The following ETS2 variants were observed in gnomAD, a reference collection of about 807,000 sequenced individuals.
The protein encoded by ETS2 is ETS proto-oncogene 2, transcription factor, also known as protein C-ets-2.
Under a neutral mutation model 54.9 loss-of-function variants are expected in ETS2, and 19 were observed. The observed-to-expected ratio is 0.35, with a 90% CI of 0.24 to 0.51. The LOEUF is 0.51. Ranked by LOEUF, ETS2 falls within the 20% of genes least tolerant of loss-of-function variation. The pLI, the probability that ETS2 is intolerant of heterozygous loss-of-function variation, is 0.97. For synonymous variants in ETS2, 219 were observed against 229.3 expected (o/e 0.95, Z 0.41); for missense variants, 417 against 593.0 (o/e 0.70, Z 3.08).
rs764270824 is a variant in ETS2 at position 38,814,812 on chromosome 21, C to T, written c.336C>T (p.Cys112=). 5 of 1,614,162 alleles carry T rather than the reference C, an allele frequency of 3.1e-6. No individual in the cohort carries two copies. In the Admixed American group the frequency reaches 8.3e-5, roughly 27 times the overall value. ...NPWLWSEQQV[C]QWLLWATNEF... is the part of the protein sequence containing the mutation. ...GGCTGTGGAGTGAGCAACAGGTATGCCAGTGGCTTCTCTGGGCCACCAATG... is the reference window on the plus strand; with the variant it reads ...GGCTGTGGAGTGAGCAACAGGTATGTCAGTGGCTTCTCTGGGCCACCAATG... The change falls in exon 5 of 10, where the codon TGC becomes TGT. Residue 112 remains cysteine, a synonymous_variant. Coordinates refer to ENST00000360938, the MANE Select transcript of ETS2 (RefSeq NM_005239.6). This position sits in a 1 kb window ranked among gnomAD's most constrained non-coding sequence, Gnocchi z 4.2.
In ETS2 at chr21:38,819,516, C is replaced by T. The variant is rs773859685; in HGVS notation, c.825C>T (p.Asp275=). 31 of 1,613,856 alleles carry T rather than the reference C, an allele frequency of 1.9e-5. No homozygotes were observed. Among genetic ancestry groups the T allele is most frequent in the Non-Finnish European group, 4.2e-6 (5 of 1,179,864 alleles). The change falls in exon 8 of 10, where the codon GAC becomes GAT. Residue 275 remains aspartate (D), a synonymous_variant. Transcript: ENST00000360938. Reference sequence around the variant, plus strand: ...TGTCTTTGCCAGGGACTCCCAAAGACCACGACTCCCCTGAGAACGGTGCGG... The same window carrying T: ...TGTCTTTGCCAGGGACTCCCAAAGATCACGACTCCCCTGAGAACGGTGCGG... ...LLTNNSGTPK[D]HDSPENGADS...
intron 7 of ETS2, 81 bp from the exon 8 acceptor site, chr21:38,819,416 CTGGTAG>C (rs1412217009): frequency 1.5e-5 from 19 of 1,239,176 alleles, no homozygotes; most frequent in Non-Finnish European, 2.2e-5. Context: ...CATGATTGCA[CTGGTAG>C]TGGTTGGTGA....
chr21:38,821,504 A>C lies in ETS2; in HGVS notation c.1076-82A>C. The C allele has an allele frequency of 1.0e-6, 1 of 986,768 alleles. No individual in the cohort carries two copies. The highest frequency in any genetic ancestry group is 1.6e-5 in the African/African-American group (1 of 63,252). The allele number at this position is 986,768 out of a possible 1,614,324, so 61.1% of individuals were successfully genotyped here. A position where few individuals can be genotyped will look rare whatever the true frequency, so the allele number is the denominator to read the frequency against. On this transcript the variant is annotated intron_variant, in intron 8 of 9. Transcript: ENST00000360938. The surrounding 1 kb of genome is among the most constrained non-coding windows in gnomAD (Gnocchi z 4.2). Reference sequence around the variant, plus strand: ...GTTGGGTCTGCATTCCTAAATCAGCATGTACAATTAGGATGGTTAAAGACT... The same window carrying C: ...GTTGGGTCTGCATTCCTAAATCAGCCTGTACAATTAGGATGGTTAAAGACT...
chr21:38,814,899 C>T lies in ETS2; in HGVS notation c.423C>T (p.Asn141=). The T allele has an allele frequency of 6.2e-7, 1 of 1,614,202 alleles. No homozygotes were observed. Among genetic ancestry groups the T allele is most frequent in the East Asian group, 2.2e-5 (1 of 44,872 alleles). ...GCATGAATGGCCAGATGCTGTGTAACCTTGGCAAGGAACGCTTTCTGGAGC... is the reference window on the plus strand; with the variant it reads ...GCATGAATGGCCAGATGCTGTGTAATCTTGGCAAGGAACGCTTTCTGGAGC... ...RFGMNGQMLC[N]LGKERFLELA... Residue 141 remains asparagine, a synonymous_variant, in exon 5 of 10, where the codon AAC becomes AAT. Coordinates refer to ENST00000360938, the MANE Select transcript of ETS2 (RefSeq NM_005239.6). This position sits in a 1 kb window ranked among gnomAD's most constrained non-coding sequence, Gnocchi z 4.2.
At chr21:38,818,715 C>T (rs2060945261) in intron 7 of ETS2, 69 bp downstream of exon 7, 2 of 1,544,450 alleles carry the variant, frequency 1.3e-6, no homozygotes, top group African/African-American at 2.7e-5. Flanking sequence ...CATAATGAAC[C>T]TCTTAATAAA....
upstream of ETS2, chr21:38,805,197 G>A: frequency 1.7e-6 from 1 of 578,602 alleles, no homozygotes; most frequent in Admixed American, 4.0e-5. This position sits in a 1 kb window ranked among gnomAD's most constrained non-coding sequence, Gnocchi z 5.2. Context: ...CTCCCGCGGA[G>A]CCTGCGGGAT....
chr21:38,805,922 A>G, upstream of ETS2: 2 of 1,240,630 alleles, frequency 1.6e-6, no homozygotes, highest in East Asian at 6.9e-5. This position sits in a 1 kb window ranked among gnomAD's most constrained non-coding sequence, Gnocchi z 5.2. Flanking sequence ...CGCGTGGGGG[A>G]CGGCCCGGTT....
At chr21:38,811,246 T>C (rs1281101237) in intron 2 of ETS2, among the ~76,000 whole-genome samples, 1 of 152,172 alleles carries the variant, frequency 6.6e-6, no homozygotes, top group Non-Finnish European at 1.5e-5. Flanking sequence ...TGGGCAATGC[T>C]TGTGGGAACT....
At chr21:38,816,957 G>T in intron 5 of ETS2, 51 bp from the exon 6 acceptor site, 1 of 952,682 alleles carries the variant, frequency 1.0e-6, no homozygotes. Flanking sequence ...TTTGTTCTGT[G>T]TAGTTTTCAC....
chr21:38,807,301 T>C (rs1569020253), intron 1 of ETS2, among the ~76,000 whole-genome samples: 1 of 152,252 alleles, frequency 6.6e-6, no homozygotes, highest in Non-Finnish European at 1.5e-5. Context: ...TTTTCAAATT[T>C]ATCTAAATAA....
At position 38,821,580 on chromosome 21, in the gene ETS2, C is replaced by T. The variant is rs1281641423; in HGVS notation, c.1076-6C>T. 5 of 1,598,032 alleles carry T rather than the reference C, an allele frequency of 3.1e-6. No homozygotes were observed. Among genetic ancestry groups the T allele is most frequent in the Non-Finnish European group, 3.4e-6 (4 of 1,165,354 alleles). ...GTATGATCCGTCTCCCTCCCTCTCCCCGCAGGAAGTGGACCTATTCAGCTG... is the reference window on the plus strand; with the variant it reads ...GTATGATCCGTCTCCCTCCCTCTCCTCGCAGGAAGTGGACCTATTCAGCTG... On this transcript the variant is annotated splice_region_variant and splice_polypyrimidine_tract_variant and intron_variant, in intron 8 of 9. Coordinates refer to ENST00000360938, the MANE Select transcript of ETS2 (RefSeq NM_005239.6). The surrounding 1 kb of genome is among the most constrained non-coding windows in gnomAD (Gnocchi z 4.2).
intron 7 of ETS2, 75 bp from the exon 8 acceptor site, chr21:38,819,428 G>T: frequency 1.5e-6 from 2 of 1,371,784 alleles, no homozygotes; most frequent in Non-Finnish European, 2.1e-6. Flanking sequence ...GGTAGTGGTT[G>T]GTGATGCTAT....
At chr21:38,820,693 G>A (rs2060954479) in intron 8 of ETS2, among the ~76,000 whole-genome samples, 1 of 152,236 alleles carries the variant, frequency 6.6e-6, no homozygotes, top group Non-Finnish European at 1.5e-5. Context: ...TTGGCTCACA[G>A]GCAGACAGCT....
upstream of ETS2, chr21:38,805,573 C>A (rs1601422227): frequency 7.8e-7 from 1 of 1,278,690 alleles, no homozygotes; most frequent in Non-Finnish European, 1.0e-6. This position sits in a 1 kb window ranked among gnomAD's most constrained non-coding sequence, Gnocchi z 5.2. Context: ...TCAGGGCCAG[C>A]CGGCGAGGGA....
rs953066414 is a variant in ETS2, at chr21:38,823,043, C to T, written c.*154C>T. The T allele has an allele frequency of 1.9e-6, 1 of 518,378 alleles. No individual in the cohort carries two copies. Among genetic ancestry groups the T allele is most frequent in the Non-Finnish European group, 3.2e-6 (1 of 309,200 alleles). The allele number at this position is 518,378 out of a possible 1,614,324, so 32.1% of individuals were successfully genotyped here. A position where few individuals can be genotyped will look rare whatever the true frequency, so the allele number is the denominator to read the frequency against. On this transcript the variant is annotated 3_prime_UTR_variant, in exon 10 of 10. Transcript: ENST00000360938. The stretch of plus-strand genomic sequence containing the variant: ...GGCCTTATTGCATCCCAAACCACGC[C>T]TCTTGACCAGGCTGCCTCCCTTGTG...
rs1010680993 is a variant in ETS2 at position 38,821,484 on chromosome 21, G to A, written c.1076-102G>A. ...ATCGGAACCCCATTCAGAGAGTTGG[G>A]TCTGCATTCCTAAATCAGCATGTAC... On this transcript the variant is annotated intron_variant, in intron 8 of 9. Transcript: ENST00000360938. The surrounding 1 kb of genome is among the most constrained non-coding windows in gnomAD (Gnocchi z 4.2). The A allele has an allele frequency of 9.3e-6, 8 of 856,522 alleles. No homozygotes were observed. The highest frequency in any genetic ancestry group is 1.8e-5 in the Admixed American group (1 of 55,498). The allele number at this position is 856,522 out of a possible 1,614,324, so 53.1% of individuals were successfully genotyped here.
Position 38,814,649 on chromosome 21 carries a change from T to C in ETS2, c.305-132T>C. 1.2e-6 allele frequency: 1 copy of C among 854,904 alleles called. No individual in the cohort carries two copies. Among genetic ancestry groups the C allele is most frequent in the Non-Finnish European group, 1.8e-6 (1 of 541,342 alleles). The allele number at this position is 854,904 out of a possible 1,614,324, so 53.0% of individuals were successfully genotyped here. On this transcript the variant is annotated intron_variant, in intron 4 of 9. Coordinates refer to ENST00000360938, the MANE Select transcript of ETS2 (RefSeq NM_005239.6). The surrounding 1 kb of genome is among the most constrained non-coding windows in gnomAD (Gnocchi z 4.2). ...GTCGTGTCAGAATGGTGACGTGTCA[T>C]CATGGTATCTTGCTCATTCGTGGGT...
At position 38,824,173 on chromosome 21, in the gene ETS2, GCA is replaced by G. The variant is rs1569028295; in HGVS notation, c.*1287_*1288del. 6.6e-6 allele frequency: 1 copy of G among 152,648 alleles called. No individual in the cohort carries two copies. Among genetic ancestry groups the G allele is most frequent in the African/African-American group, 2.4e-5 (1 of 41,450 alleles). The allele number at this position is 152,648 out of a possible 1,614,324, so 9.5% of individuals were successfully genotyped here. On this transcript the variant is annotated 3_prime_UTR_variant, in exon 10 of 10. Transcript: ENST00000360938. ...GTCTTGATGAAACCTCTTGAACGAA[GCA>G]CAGTTTGTCCCATCTTTGTTCACTC... is the stretch of plus-strand genomic sequence containing the variant.
At chr21:38,822,569 C>G (rs2060962474) in intron 9 of ETS2, 105 bp from the exon 10 acceptor site, 3 of 1,036,318 alleles carry the variant, frequency 2.9e-6, no homozygotes, top group Non-Finnish European at 4.3e-6. Context: ...GTCAAGTTCT[C>G]TCTAGAGTGA....
Sources: gnomAD v4.1 joint callset for allele counts (sites outside exome capture counted in the v4.1 genomes callset) on GRCh38, gnomAD v4.1.1 for gene constraint, Gnocchi (gnomAD v3.1) non-coding constraint, MANE v1.5 for transcripts, NCBI Gene and HGNC (gene_info 2026-07-23, HGNC 2026-07-21) for gene names.